MUC22: variants seen among roughly 807,000 people sequenced by gnomAD.
MUC22 encodes mucin-22.
Under a neutral mutation model 40.3 loss-of-function variants are expected in MUC22, and 24 were observed. The observed-to-expected ratio is 0.60, with a 90% CI of 0.43 to 0.84. The LOEUF (loss-of-function observed/expected upper bound fraction) is 0.84, where lower values mean the gene tolerates loss of function less well. Ranked by LOEUF, MUC22 falls within the 40% of genes least tolerant of loss-of-function variation. The pLI, the probability that MUC22 is intolerant of heterozygous loss-of-function variation, is 0.00. For missense variants in MUC22, 1,926 were observed against 2,130.7 expected, an observed-to-expected ratio of 0.90 and a Z score of 1.89; for synonymous variants, 765 against 844.5, an observed-to-expected ratio of 0.91 and a Z score of 1.63.
chr6:31,024,869 C>CTT (rs10685711), intron 1 of MUC22, among the ~76,000 whole-genome samples: 21,169 of 135,788 alleles, frequency 0.16, 1,827 homozygotes, highest in East Asian at 0.33. Context: ...TTGCTGCCTT[C>CTT]TTTTTTTTTT....
At chr6:31,016,909 A>G (rs75809457) in intron 1 of MUC22, among the ~76,000 whole-genome samples, 17,905 of 152,200 alleles carry the variant, frequency 0.12, 1,228 homozygotes, top group African/African-American at 0.16. Context: ...CGTGGCCAGC[A>G]CAGCTGGCCC....
In MUC22 at chr6:31,026,174, T is replaced by C; in HGVS notation, c.743T>C (p.Ile248Thr). The C allele has an allele frequency of 1.3e-6, 2 of 1,519,332 alleles. No individual in the cohort carries two copies. The highest frequency in any genetic ancestry group is 1.8e-6 in the Non-Finnish European group (2 of 1,136,690). The allele number at this position is 1,519,332 out of a possible 1,614,324, so 94.1% of individuals were successfully genotyped here. Residue 248 changes from isoleucine to threonine, a missense_variant, in exon 2 of 4, where the codon ATC (isoleucine) becomes ACC (threonine). Physicochemically the swap from Ile to Thr is moderately conservative, Grantham distance 89. Around this residue, in one of 3 missense-constraint regions of MUC22, gnomAD observed 1,281 missense variants for 1,337.8 expected, o/e 0.96. Transcript: ENST00000561890. ...ACCTCAACTGCAGACTCCAAGGTGA[T>C]CACGGCATCCAGCATGAGCTCTGAG... is the stretch of plus-strand genomic sequence containing the variant.
intron 3 of MUC22, among the ~76,000 whole-genome samples, chr6:31,033,329 A>G (rs532921787): frequency 3.0e-4 from 46 of 152,276 alleles, no homozygotes; most frequent in Admixed American, 2.7e-3. Flanking sequence ...AGAAGGAAAG[A>G]AAGAGAGAGA....
chr6:31,029,397 C>G (rs1411471063), exon 2 of MUC22: 41 of 1,535,046 alleles, frequency 2.7e-5, no homozygotes, highest in Non-Finnish European at 3.4e-5. Context: ...CTACCACGGG[C>G]TCTGAGACCA....
chr6:31,030,564 C>T (rs1212587484), intron 2 of MUC22, among the ~76,000 whole-genome samples: 1 of 139,606 alleles, frequency 7.2e-6, no homozygotes, highest in Non-Finnish European at 1.5e-5. Flanking sequence ...ATTGCCTCTA[C>T]TCTGGTCTCA....
chr6:31,016,436 C>T (rs1764205852), intron 1 of MUC22, among the ~76,000 whole-genome samples: 4 of 151,982 alleles, frequency 2.6e-5, no homozygotes, highest in Admixed American at 2.6e-4. Context: ...TTGGGAAGAT[C>T]CTCAAAATGT....
intron 1 of MUC22, 52 bp downstream of exon 1, chr6:31,010,828 C>T (rs1763814953): frequency 1.4e-6 from 1 of 700,228 alleles, no homozygotes; most frequent in Non-Finnish European, 2.6e-6. Context: ...CCACATAAGC[C>T]CTGAAGGAGA....
chr6:31,016,214 C>G (rs1008515201), intron 1 of MUC22, among the ~76,000 whole-genome samples: 7 of 150,788 alleles, frequency 4.6e-5, no homozygotes, highest in African/African-American at 1.7e-4. Flanking sequence ...TGCATTGTCT[C>G]AGTTCTCTCT....
chr6:31,021,955 A>AT (rs1474707749), intron 1 of MUC22, among the ~76,000 whole-genome samples: 2 of 152,088 alleles, frequency 1.3e-5, no homozygotes, highest in Non-Finnish European at 2.9e-5. Flanking sequence ...ACTCACCGTA[A>AT]AGGTCTGCAG....
At chr6:31,029,174 C>A in exon 2 of MUC22, 1 of 1,534,340 alleles carries the variant, frequency 6.5e-7, no homozygotes, top group Non-Finnish European at 8.7e-7. Flanking sequence ...ACCACCACAG[C>A]CTCTATTGAA....
chr6:31,027,380 C>G (rs777113772), exon 2 of MUC22: 1 of 1,533,904 alleles, frequency 6.5e-7, no homozygotes, highest in Non-Finnish European at 8.7e-7. Flanking sequence ...ACAGTCTCCA[C>G]CACAGGCTCT....
At chr6:31,013,316 G>C (rs6913200) in intron 1 of MUC22, among the ~76,000 whole-genome samples, 1 of 151,594 alleles carries the variant, frequency 6.6e-6, no homozygotes, top group Non-Finnish European at 1.5e-5. Context: ...TAGTAGAGAC[G>C]GGGTTTCATT....
At chr6:31,009,391 T>G (rs1307455689), upstream of MUC22, among the ~76,000 whole-genome samples, 1 of 152,142 alleles carries the variant, frequency 6.6e-6, no homozygotes, top group Non-Finnish European at 1.5e-5. Context: ...AACACATGCA[T>G]ACACTCACCT....
At chr6:31,006,463 GCGTGAAACTA>G (rs1456143612), upstream of MUC22, among the ~76,000 whole-genome samples, 3 of 152,148 alleles carry the variant, frequency 2.0e-5, no homozygotes, top group African/African-American at 7.2e-5. Flanking sequence ...GATTCTTAGG[GCGTGAAACTA>G]CTGTATATGA....
exon 2 of MUC22, chr6:31,026,654 C>G: frequency 6.6e-7 from 1 of 1,508,288 alleles, no homozygotes; most frequent in Non-Finnish European, 8.9e-7. Flanking sequence ...GAGACCACCA[C>G]AGCCTATACT....
exon 2 of MUC22, chr6:31,025,863 C>T (rs1765249630): frequency 6.5e-7 from 1 of 1,535,382 alleles, no homozygotes. Flanking sequence ...TTACTATAGC[C>T]TCCACTACAG....
chr6:31,006,887 G>T (rs1376715971), upstream of MUC22, among the ~76,000 whole-genome samples: 1 of 152,088 alleles, frequency 6.6e-6, no homozygotes, highest in African/African-American at 2.4e-5. Flanking sequence ...AGTGGCTCAC[G>T]TCTGTAATCC....
chr6:31,014,924 C>T (rs4713410), intron 1 of MUC22, among the ~76,000 whole-genome samples: 22,098 of 152,018 alleles, frequency 0.15, 1,765 homozygotes, highest in African/African-American at 0.19. Flanking sequence ...CACTGCCATG[C>T]GGGACCACCT....
intron 1 of MUC22, among the ~76,000 whole-genome samples, chr6:31,017,834 T>C (rs945762913): frequency 1.8e-4 from 28 of 152,240 alleles, no homozygotes; most frequent in African/African-American, 6.5e-4. Flanking sequence ...GAGCCAGCAG[T>C]GGCAATCCGC....
Sources: allele counts gnomAD v4.1 joint callset (sites outside exome capture counted in the v4.1 genomes callset), GRCh38; gene constraint gnomAD v4.1.1; regional missense constraint gnomAD v4.1.1; transcripts MANE v1.5; gene names NCBI Gene and HGNC (gene_info 2026-07-23, HGNC 2026-07-21).